Variants in ACACA observed in about 807,000 individuals in gnomAD.
The protein encoded by ACACA is acetyl-CoA carboxylase 1.
In ACACA, 103 loss-of-function variants were observed where a neutral mutation model predicts 296.1. The ratio of observed to expected loss-of-function variants is 0.35; its 90% CI spans 0.30 to 0.41. The LOEUF (loss-of-function observed/expected upper bound fraction) is 0.41. Ranked by LOEUF, ACACA falls within the 10% of genes least tolerant of loss-of-function variation. The pLI is 1.00. For missense variants in ACACA, 1,554 were observed against 2,989.7 expected, an observed-to-expected ratio of 0.52 and a Z score of 11.20; for synonymous variants, 953 against 1,038.6, an observed-to-expected ratio of 0.92 and a Z score of 1.58.
chr17:37,091,979 A>G (rs1463767540), intron 54 of ACACA, among the ~76,000 whole-genome samples: 1 of 151,934 alleles, frequency 6.6e-6, no homozygotes, highest in East Asian at 1.9e-4. Flanking sequence ...AGCCATTATT[A>G]TTTCCCTCCT....
At chr17:37,157,751 T>A (rs533735843) in intron 42 of ACACA, among the ~76,000 whole-genome samples, 51 of 151,710 alleles carry the variant, frequency 3.4e-4, no homozygotes, top group African/African-American at 1.2e-3. Context: ...GGCCAGGCTG[T>A]TCTCGAACTC....
At chr17:37,322,173 G>C (rs1004861548) in intron 3 of ACACA, among the ~76,000 whole-genome samples, 1 of 152,114 alleles carries the variant, frequency 6.6e-6, no homozygotes. Flanking sequence ...GATCAGAAAA[G>C]AAATAGAAAT....
chr17:37,173,440 C>T (rs963875601), intron 41 of ACACA, among the ~76,000 whole-genome samples: 10 of 151,970 alleles, frequency 6.6e-5, no homozygotes, highest in Admixed American at 6.6e-5. Flanking sequence ...TATAAGCTTA[C>T]CAACTTCCTT....
intron 3 of ACACA, among the ~76,000 whole-genome samples, chr17:37,321,429 C>A (rs188534143): frequency 5.3e-4 from 80 of 152,244 alleles, no homozygotes; most frequent in African/African-American, 1.9e-3. Context: ...TCAAGACCAG[C>A]CTGACCAACA....
intron 45 of ACACA, among the ~76,000 whole-genome samples, chr17:37,147,260 T>C (rs189539363): frequency 2.6e-4 from 40 of 152,170 alleles, no homozygotes; most frequent in Admixed American, 1.1e-3. Flanking sequence ...TCTATAATGT[T>C]TCAAAAACAC....
chr17:37,372,400 G>A (rs553622454), intron 1 of ACACA, among the ~76,000 whole-genome samples: 9 of 145,068 alleles, frequency 6.2e-5, no homozygotes, highest in Non-Finnish European at 8.9e-5. Context: ...GCGACAGAGC[G>A]AGACTCTGTC....
Position 37,087,585 on chromosome 17 carries a change from C to T in ACACA, c.7029-146G>A, listed in dbSNP as rs962405935. ...TCACCTTATTTGTTTCCCTATATTA[C>T]AAATATCCAGCCAAGGTAGTGCAAG... On this transcript the variant is annotated intron_variant, in intron 55 of 55. Coordinates refer to ENST00000616317, the MANE Select transcript of ACACA (RefSeq NM_198834.3). The T allele has an allele frequency of 1.5e-5, 16 of 1,047,918 alleles. No homozygotes were observed. In the Middle Eastern group the frequency reaches 7.4e-4, roughly 48 times the overall value. 64.9% of individuals were successfully genotyped at this position (1,047,918 alleles called of 1,614,324 possible).
intron 1 of ACACA, among the ~76,000 whole-genome samples, chr17:37,350,349 A>G (rs530284821): frequency 7.4e-6 from 1 of 135,548 alleles, no homozygotes; most frequent in African/African-American, 3.0e-5. Context: ...AAAAAAAACC[A>G]AAAAAAAAAA....
chr17:37,277,853 A>C, intron 6 of ACACA, 43 bp downstream of exon 6: 1 of 1,479,734 alleles, frequency 6.8e-7, no homozygotes, highest in East Asian at 2.3e-5. Flanking sequence ...CTAACTATAA[A>C]ATGGCTGAAT....
At chr17:37,394,395 G>C (rs990158177) in intron 1 of ACACA, among the ~76,000 whole-genome samples, 1 of 151,494 alleles carries the variant, frequency 6.6e-6, no homozygotes, top group Non-Finnish European at 1.5e-5. Flanking sequence ...ATTTTTAGTA[G>C]AGATGGGGTT....
Position 37,099,710 on chromosome 17 carries a change from T to A in ACACA, c.6566-1726A>T, listed in dbSNP as rs989503326. ...GGCTGATGGGAGGAGGGCTGAGGGA[T>A]GGAGGGCTGGCTGGTGTCTTCGGAG... On this transcript the variant is annotated intron_variant, in intron 52 of 55. Coordinates refer to ENST00000616317, the MANE Select transcript of ACACA (RefSeq NM_198834.3). 1.3e-5 allele frequency among the ~76,000 whole-genome samples: 2 copies of A among 150,998 alleles called. 1 individual carries two copies. Among genetic ancestry groups the A allele is most frequent in the South Asian group, 4.2e-4 (2 of 4,780 alleles).
intron 25 of ACACA, among the ~76,000 whole-genome samples, chr17:37,234,238 G>T (rs999147842): frequency 6.6e-6 from 1 of 152,156 alleles, no homozygotes; most frequent in Admixed American, 6.5e-5. Context: ...GGGACTCTAG[G>T]AGTAGTCCTA....
chr17:37,319,644 G>A (rs897648413), intron 3 of ACACA, among the ~76,000 whole-genome samples: 1 of 151,788 alleles, frequency 6.6e-6, no homozygotes, highest in Non-Finnish European at 1.5e-5. Context: ...GCAACGTGGT[G>A]AGACCCCATC....
intron 1 of ACACA, among the ~76,000 whole-genome samples, chr17:37,400,718 C>T: frequency 6.6e-6 from 1 of 150,840 alleles, no homozygotes; most frequent in Non-Finnish European, 1.5e-5. Context: ...TAAGGCTGAA[C>T]AGTATTCCAT....
rs1161854773 is a variant in ACACA, at chr17:37,188,420, C to T, written c.4633G>A (p.Val1545Ile). 1 of 1,613,896 alleles carries T rather than the reference C, an allele frequency of 6.2e-7. No homozygotes were observed. The highest frequency in any genetic ancestry group is 8.5e-7 in the Non-Finnish European group (1 of 1,180,022). Residue 1545 changes from valine to isoleucine, a missense_variant, in exon 39 of 56, where the codon GTC (valine) becomes ATC (isoleucine). Around this residue, in one of 16 missense-constraint regions of ACACA, gnomAD observed 35 missense variants for 131.8 expected, o/e 0.27. Transcript: ENST00000616317. Reference protein sequence around the residue: ...RYGSRLWKLRVLQAELKINIR... With the variant: ...RYGSRLWKLRILQAELKINIR... ...TTGATTTTCAGTTCTGCCTGGAGGACGCGCAATTTCCACAGGCGACTTCCA... is the reference window on the plus strand; with the variant it reads ...TTGATTTTCAGTTCTGCCTGGAGGATGCGCAATTTCCACAGGCGACTTCCA...
At chr17:37,140,284 A>AT (rs1439472606) in intron 45 of ACACA, among the ~76,000 whole-genome samples, 2 of 152,366 alleles carry the variant, frequency 1.3e-5, no homozygotes, top group African/African-American at 4.8e-5. Flanking sequence ...AAGAAACAAA[A>AT]TTAAAAAAAA....
intron 54 of ACACA, among the ~76,000 whole-genome samples, chr17:37,096,493 C>T (rs1040513481): frequency 6.6e-6 from 1 of 152,208 alleles, no homozygotes; most frequent in African/African-American, 2.4e-5. Context: ...TTCATTTCTG[C>T]TTTGTTTTCC....
rs1303479817 is a variant in ACACA at position 37,187,561 on chromosome 17, C to T, written c.4776+716G>A. Among the ~76,000 whole-genome samples, 31 of 152,140 alleles carry T rather than the reference C, an allele frequency of 2.0e-4. 1 individual carries two copies. The highest frequency in any genetic ancestry group is 2.0e-3 in the Admixed American group (31 of 15,278). ...AAGAGCCCAAATATTTAGAAACCAA[C>T]GTAGTAAAAAAGATTAAAAGGGAAT... On this transcript the variant is annotated intron_variant, in intron 39 of 55. Coordinates refer to ENST00000616317, the MANE Select transcript of ACACA (RefSeq NM_198834.3).
chr17:37,156,204 C>T (rs1441566694), intron 42 of ACACA, among the ~76,000 whole-genome samples: 1 of 151,916 alleles, frequency 6.6e-6, no homozygotes, highest in Non-Finnish European at 1.5e-5. Context: ...GCTGGGACTA[C>T]AGGCACCCAC....
Sources: gnomAD v4.1 joint callset for allele counts (sites outside exome capture counted in the v4.1 genomes callset) on GRCh38, gnomAD v4.1.1 for gene constraint, gnomAD v4.1.1 regional missense constraint, MANE v1.5 for transcripts, NCBI Gene and HGNC (gene_info 2026-07-23, HGNC 2026-07-21) for gene names.